The following MBOAT7 variants were observed in gnomAD, a reference collection of about 807,000 sequenced individuals.
The protein encoded by MBOAT7 is membrane-bound acylglycerophosphatidylinositol O-acyltransferase MBOAT7.
Under a neutral mutation model 47.4 loss-of-function variants are expected in MBOAT7, and 40 were observed. That is an observed-to-expected ratio of 0.84 (90% confidence interval 0.66 to 1.10). The LOEUF (loss-of-function observed/expected upper bound fraction) is 1.10, where lower values mean the gene tolerates loss of function less well. Ranked by LOEUF, MBOAT7 falls within the 50% of genes least tolerant of loss-of-function variation. The pLI is 0.00. For synonymous variants in MBOAT7, 361 were observed against 292.0 expected, an observed-to-expected ratio of 1.24 and a Z score of -2.41; for missense variants, 680 against 655.6, an observed-to-expected ratio of 1.04 and a Z score of -0.41.
chr19:54,186,499 G>A (rs1413908488), intron 4 of MBOAT7, among the ~76,000 whole-genome samples: 1 of 152,170 alleles, frequency 6.6e-6, no homozygotes, highest in Non-Finnish European at 1.5e-5. Context: ...CCCAGAAAGT[G>A]GATGTGGCTG....
In MBOAT7 at chr19:54,180,870, C is replaced by A. The variant is rs868498080; in HGVS notation, c.757G>T (p.Glu253Ter). The change falls in exon 6 of 8, where the codon GAG becomes TAG. Residue 253 changes from glutamate (E) to a stop codon, truncating the protein, a stop_gained. Coordinates refer to ENST00000245615, the MANE Select transcript of MBOAT7 (RefSeq NM_024298.5). LOFTEE classifies it high-confidence loss of function. The surrounding 1 kb of genome is among the most constrained non-coding windows in gnomAD (Gnocchi z 5.2). ...AAGCCGGCGGCAATGCAGCCGCACT[C>A]GGCGGCAATCCAGGCCACGTAGAAG... ...MRFYVAWIAAECGCIAAGFGA... is the reference protein window; with the variant it reads ...MRFYVAWIAA 6.3e-7 allele frequency: 1 copy of A among 1,589,916 alleles called. No individual in the cohort carries two copies. Among genetic ancestry groups the A allele is most frequent in the African/African-American group, 1.3e-5 (1 of 74,898 alleles).
At chr19:54,187,045 C>T (rs769969592) in intron 4 of MBOAT7, 116 bp downstream of exon 4, 13 of 1,293,016 alleles carry the variant, frequency 1.0e-5, no homozygotes, top group Non-Finnish European at 1.4e-5. Flanking sequence ...GGTGACGTCC[C>T]ACCCCCAGGG....
chr19:54,188,609 A>G, intron 1 of MBOAT7, 98 bp from the exon 2 acceptor site: 1 of 1,165,042 alleles, frequency 8.6e-7, no homozygotes. Flanking sequence ...TCTAGACCCC[A>G]GTTTTTGAGG....
chr19:54,176,223 A>C (rs1017224881), intron 7 of MBOAT7, among the ~76,000 whole-genome samples: 2 of 151,874 alleles, frequency 1.3e-5, no homozygotes, highest in Non-Finnish European at 2.9e-5. Flanking sequence ...TCCTGAGCTT[A>C]AGTGATCCTC....
intron 7 of MBOAT7, among the ~76,000 whole-genome samples, chr19:54,176,290 A>T (rs1294045935): frequency 1.3e-5 from 2 of 151,702 alleles, no homozygotes; most frequent in Non-Finnish European, 2.9e-5. Context: ...CACCTGGCCA[A>T]CTCTTGTTTT....
chr19:54,175,405 T>TC (rs1033018651), intron 7 of MBOAT7, among the ~76,000 whole-genome samples: 30 of 152,274 alleles, frequency 2.0e-4, no homozygotes, highest in African/African-American at 7.0e-4. Flanking sequence ...CCAGGAGAAG[T>TC]CTTCCAAGTT....
At chr19:54,186,170 C>T (rs189724443) in intron 4 of MBOAT7, among the ~76,000 whole-genome samples, 3 of 152,086 alleles carry the variant, frequency 2.0e-5, no homozygotes, top group East Asian at 3.9e-4. Flanking sequence ...TGTGCCACCA[C>T]GCCCAGCTAA....
chr19:54,186,136 C>T (rs1313613403), intron 4 of MBOAT7, among the ~76,000 whole-genome samples: 1 of 152,170 alleles, frequency 6.6e-6, no homozygotes, highest in Non-Finnish European at 1.5e-5. Flanking sequence ...GCCTCAGCCT[C>T]CCGAGTAGCT....
intron 4 of MBOAT7, among the ~76,000 whole-genome samples, chr19:54,184,013 A>G (rs1470293867): frequency 6.6e-6 from 1 of 151,916 alleles, no homozygotes; most frequent in African/African-American, 2.4e-5. Flanking sequence ...GTCTCCAGGC[A>G]CCCCAAACGC....
intron 7 of MBOAT7, among the ~76,000 whole-genome samples, chr19:54,175,044 TG>T (rs1568775404): frequency 6.6e-6 from 1 of 150,534 alleles, no homozygotes; most frequent in African/African-American, 2.4e-5. Flanking sequence ...GGCGCGATCT[TG>T]GCTCACTGCA....
chr19:54,177,949 C>T lies in MBOAT7; in HGVS notation c.1031+816G>A, dbSNP rs533407842. On this transcript the variant is annotated intron_variant, in intron 7 of 7. Transcript: ENST00000245615. ...TTTTTTTGAGACGGAGTCTCGCTGT[C>T]GCCCAGGCTGGAGTGCAGTGGCGAG... Among the ~76,000 whole-genome samples the T allele has an allele frequency of 3.1e-4, 35 of 114,672 alleles. No individual in the cohort carries two copies. The East Asian group carries it at 3.9e-3, about 13-fold the overall frequency. The allele number at this position is 114,672 out of a possible 152,430, so 75.2% of individuals were successfully genotyped here.
intron 1 of MBOAT7, 160 bp downstream of exon 1, chr19:54,189,178 C>T (rs1332217332): frequency 6.5e-6 from 1 of 153,338 alleles, no homozygotes; most frequent in Admixed American, 6.5e-5. Context: ...CAGCCCCAAC[C>T]CGTCCCGCGC....
At position 54,187,254 on chromosome 19, in the gene MBOAT7, G is replaced by T; in HGVS notation, c.240C>A (p.Phe80Leu). The change falls in exon 4 of 8, where the codon TTC (phenylalanine) becomes TTA (leucine). Residue 80 changes from phenylalanine to leucine, a missense_variant. By Grantham distance (22) the Phe-to-Leu change is conservative (BLOSUM62 0). Coordinates refer to ENST00000245615, the MANE Select transcript of MBOAT7 (RefSeq NM_024298.5). ...SCHALALAWT[F>L]SYLLFFRALS... is the part of the protein sequence containing the mutation. ...GGGCTCGGAAGAACAGGAGATAGGA[G>T]AAAGTCCAGGCCAGAGCCAGGGCGT... 2 of 1,610,656 alleles carry T rather than the reference G, an allele frequency of 1.2e-6. No individual in the cohort carries two copies. Among genetic ancestry groups the T allele is most frequent in the Non-Finnish European group, 1.7e-6 (2 of 1,178,700 alleles).
In MBOAT7 at chr19:54,178,915, T is replaced by C. The variant is rs1162217506; in HGVS notation, c.881A>G (p.Tyr294Cys). 6.2e-7 allele frequency: 1 copy of C among 1,613,196 alleles called. No individual in the cohort carries two copies. Among genetic ancestry groups the C allele is most frequent in the East Asian group, 2.2e-5 (1 of 44,886 alleles). ...GATGTTGCGGATGGTCTCATAGTCA[T>C]ACTCCAAGGAAGCCGCCTTCTCCGG... is the stretch of plus-strand genomic sequence containing the variant. ...SSPEKAASLE[Y>C]DYETIRNIDC... The change falls in exon 7 of 8, where the codon TAT becomes TGT. Residue 294 changes from tyrosine to cysteine, a missense_variant. Transcript: ENST00000245615.
chr19:54,184,631 G>T (rs1051914964), intron 4 of MBOAT7, among the ~76,000 whole-genome samples: 1 of 152,010 alleles, frequency 6.6e-6, no homozygotes, highest in African/African-American at 2.4e-5. Context: ...GGCCGGGCGC[G>T]GTGGCTCACG....
rs892711647 is a variant in MBOAT7, at chr19:54,173,610, C to T, written c.*434G>A. On this transcript the variant is annotated 3_prime_UTR_variant, in exon 8 of 8. Transcript: ENST00000245615. The stretch of plus-strand genomic sequence containing the variant: ...GGGAAGCTTATGCTTCCTTCCAAGT[C>T]TGCAATATTGGTGCGATGAGCTAAA... 10 of 189,990 alleles carry T rather than the reference C, an allele frequency of 5.3e-5. No individual in the cohort carries two copies. Among genetic ancestry groups the T allele is most frequent in the Non-Finnish European group, 6.5e-5 (6 of 92,918 alleles). 11.8% of individuals were successfully genotyped at this position (189,990 alleles called of 1,614,324 possible). A position where few individuals can be genotyped will look rare whatever the true frequency, so the allele number is the denominator to read the frequency against.
chr19:54,181,170 C>T, intron 5 of MBOAT7, 37 bp from the exon 6 acceptor site: 6 of 1,447,676 alleles, frequency 4.1e-6, no homozygotes, highest in Non-Finnish European at 5.4e-6. Flanking sequence ...GTCAGACAGG[C>T]AGGTGGGCAG....
At chr19:54,181,687 G>GAGGGAAGGAGGGAAGGAAGA (rs2076277535) in intron 5 of MBOAT7, among the ~76,000 whole-genome samples, 7 of 106,014 alleles carry the variant, frequency 6.6e-5, no homozygotes, top group African/African-American at 2.9e-4. Context: ...GGGAAGGAAG[G>GAGGGAAGGAGGGAAGGAAGA]AGGGAGGGAA....
rs189030678 is a variant in MBOAT7 at position 54,175,062 on chromosome 19, G to A, written c.1032-631C>T. Among the ~76,000 whole-genome samples the A allele has an allele frequency of 7.4e-3, 1,060 of 143,344 alleles. 13 individuals are homozygous for A. Among genetic ancestry groups the A allele is most frequent in the African/African-American group, 0.026 (1,011 of 38,778 alleles). 94.0% of individuals were successfully genotyped at this position (143,344 alleles called of 152,430 possible). On this transcript the variant is annotated intron_variant, in intron 7 of 7. Transcript: ENST00000245615. ...GCGATCTTGGCTCACTGCAAGCTCCGCCTCCCAGGTTCACGCCATTCTCCT... is the reference window on the plus strand; with the variant it reads ...GCGATCTTGGCTCACTGCAAGCTCCACCTCCCAGGTTCACGCCATTCTCCT...
Sources: allele counts gnomAD v4.1 joint callset (sites outside exome capture counted in the v4.1 genomes callset), GRCh38; gene constraint gnomAD v4.1.1; non-coding constraint Gnocchi (gnomAD v3.1); transcripts MANE v1.5; gene names NCBI Gene and HGNC (gene_info 2026-07-23, HGNC 2026-07-21).